Variants in RNF213 observed in about 807,000 individuals in gnomAD.
RNF213 encodes the protein ring finger protein 213.
A neutral mutation model predicts 514.4 loss-of-function variants in RNF213; 341 were observed. The ratio of observed to expected loss-of-function variants is 0.66; its 90% CI spans 0.61 to 0.73. The LOEUF (loss-of-function observed/expected upper bound fraction) is 0.73. Ranked by LOEUF, RNF213 falls within the 30% of genes least tolerant of loss-of-function variation. The pLI is 0.00. For missense variants in RNF213, 5,767 were observed against 6,615.6 expected (o/e 0.87, Z 4.45); for synonymous variants, 2,655 against 2,658.2 (o/e 1.00, Z 0.04).
At chr17:80,367,373 T>A (rs1434588928) in intron 42 of RNF213, among the ~76,000 whole-genome samples, 1 of 152,118 alleles carries the variant, frequency 6.6e-6, no homozygotes, top group Non-Finnish European at 1.5e-5. Flanking sequence ...TTTTAAAAAA[T>A]TTAAAAATTT....
At chr17:80,360,828 A>G (rs543722856) in intron 38 of RNF213, among the ~76,000 whole-genome samples, 2 of 152,198 alleles carry the variant, frequency 1.3e-5, no homozygotes, top group Non-Finnish European at 2.9e-5. Context: ...TTATCGTACC[A>G]TTTGGAAGAC....
Position 80,288,044 on chromosome 17 carries a change from C to T in RNF213, c.491C>T (p.Ser164Phe). ...ATTPLEGDGLSAPTEVGDSPL... is the reference protein window; with the variant it reads ...ATTPLEGDGLFAPTEVGDSPL... Reference sequence around the variant, plus strand: ...ACGCCACTGGAGGGTGACGGCCTCTCCGCGCCCACCGAGGTTGGCGACAGC... The same window carrying T: ...ACGCCACTGGAGGGTGACGGCCTCTTCGCGCCCACCGAGGTTGGCGACAGC... Residue 164 changes from serine (S) to phenylalanine (F), a missense_variant, in exon 4 of 68, where the codon TCC (serine) becomes TTC (phenylalanine). Coordinates refer to ENST00000582970, the MANE Select transcript of RNF213 (RefSeq NM_001256071.3). This position sits in a 1 kb window ranked among gnomAD's most constrained non-coding sequence, Gnocchi z 4.9. 1 of 1,603,230 alleles carries T rather than the reference C, an allele frequency of 6.2e-7. No individual in the cohort carries two copies. Among genetic ancestry groups the T allele is most frequent in the Non-Finnish European group, 8.5e-7 (1 of 1,175,004 alleles).
chr17:80,295,888 G>C, intron 10 of RNF213, 75 bp downstream of exon 10: 24 of 1,523,612 alleles, frequency 1.6e-5, no homozygotes, highest in Non-Finnish European at 2.2e-5. Context: ...ATAAGTGCTT[G>C]ACTAGAGTGA....
At chr17:80,333,645 G>C (rs951656278) in intron 21 of RNF213, among the ~76,000 whole-genome samples, 2 of 150,952 alleles carry the variant, frequency 1.3e-5, no homozygotes, top group African/African-American at 4.9e-5. Flanking sequence ...AGTGAACCGA[G>C]ATCGTGCCAC....
chr17:80,301,650 G>T (rs2045183113), intron 11 of RNF213, among the ~76,000 whole-genome samples: 1 of 152,202 alleles, frequency 6.6e-6, no homozygotes, highest in South Asian at 2.1e-4. Flanking sequence ...ATAAATGCCA[G>T]TGAGGATGTG....
At chr17:80,294,238 G>A (rs554566995) in intron 8 of RNF213, among the ~76,000 whole-genome samples, 94 of 152,312 alleles carry the variant, frequency 6.2e-4, no homozygotes, top group African/African-American at 2.2e-3. Context: ...AGGGCCATCT[G>A]TGCCAGCTGG....
At position 80,383,911 on chromosome 17, in the gene RNF213, T is replaced by G; in HGVS notation, c.14305T>G (p.Trp4769Gly). 6.2e-7 allele frequency: 1 copy of G among 1,614,174 alleles called. No individual in the cohort carries two copies. Among genetic ancestry groups the G allele is most frequent in the Non-Finnish European group, 8.5e-7 (1 of 1,180,034 alleles). The change falls in exon 59 of 68, where the codon TGG becomes GGG. Residue 4769 changes from tryptophan to glycine, a missense_variant. Coordinates refer to ENST00000582970, the MANE Select transcript of RNF213 (RefSeq NM_001256071.3). ...TGGCAAAGAAAGAGTGCCCATCCTC[T>G]GGCATTTCCTGCAGAAGGTATGTCT... ...KNGKERVPIL[W>G]HFLQKEAELR... is the part of the protein sequence containing the mutation.
chr17:80,389,553 A>G (rs557491823), intron 65 of RNF213, among the ~76,000 whole-genome samples, 186 bp downstream of exon 65: 25 of 152,320 alleles, frequency 1.6e-4, no homozygotes, highest in African/African-American at 6.0e-4. Context: ...AGAGACAGAC[A>G]CGCGCTAGAA....
rs747846518 is a variant in RNF213 at position 80,298,421 on chromosome 17, G to A, written c.2113G>A (p.Ala705Thr). 76 of 1,614,066 alleles carry A rather than the reference G, an allele frequency of 4.7e-5. No individual in the cohort carries two copies. Among genetic ancestry groups the A allele is most frequent in the Non-Finnish European group, 6.4e-5 (76 of 1,180,042 alleles). The change falls in exon 11 of 68, where the codon GCC (alanine) becomes ACC (threonine). Residue 705 changes from alanine to threonine, a missense_variant. Physicochemically the swap from Ala to Thr is moderately conservative, Grantham distance 58. Around this residue, in one of 13 missense-constraint regions of RNF213, gnomAD observed 592 missense variants for 673.9 expected, o/e 0.88. Coordinates refer to ENST00000582970, the MANE Select transcript of RNF213 (RefSeq NM_001256071.3). ...LPVLHCCMEL[A>T]PRHKDAWRQP... ...TGTCCTGCACTGCTGTATGGAGCTGGCCCCGCGGCACAAGGATGCCTGGAG... is the reference window on the plus strand; with the variant it reads ...TGTCCTGCACTGCTGTATGGAGCTGACCCCGCGGCACAAGGATGCCTGGAG...
intron 2 of RNF213, among the ~76,000 whole-genome samples, chr17:80,269,765 T>C (rs1322647369): frequency 3.4e-5 from 5 of 146,506 alleles, no homozygotes; most frequent in African/African-American, 9.9e-5. Context: ...TATCCATCCG[T>C]CCATCCATCC....
At chr17:80,344,591 A>G in intron 28 of RNF213, 87 bp from the exon 29 acceptor site, 2 of 1,431,820 alleles carry the variant, frequency 1.4e-6, no homozygotes, top group South Asian at 1.2e-5. Context: ...AGGTCCATCC[A>G]ATATAGATAA....
chr17:80,355,361 C>T lies in RNF213; in HGVS notation c.10862+785C>T, dbSNP rs866549810. 2.9e-3 allele frequency: 802 copies of T among 273,516 alleles called. 9 individuals are homozygous for T. Among genetic ancestry groups the T allele is most frequent in the African/African-American group, 0.022 (543 of 25,176 alleles). The allele number at this position is 273,516 out of a possible 1,614,324, so 16.9% of individuals were successfully genotyped here. On this transcript the variant is annotated intron_variant, in intron 36 of 67. Transcript: ENST00000582970. ...CTTACAGGGGAAGAAGCGGGGTGAA[C>T]GGGAATGGGAGCTTACAGGGGAAGA...
chr17:80,287,004 T>C (rs1319690928), intron 3 of RNF213, among the ~76,000 whole-genome samples: 1 of 152,176 alleles, frequency 6.6e-6, no homozygotes, highest in African/African-American at 2.4e-5. Context: ...CATTTCAAAT[T>C]TTATGTACGA....
In RNF213 at chr17:80,298,373, T is replaced by A; in HGVS notation, c.2065T>A (p.Tyr689Asn). ...CCAAAGATGCATGGACACAAGGACGTACACCTGGCTGGGCGCCCTGCCTGT... is the reference window on the plus strand; with the variant it reads ...CCAAAGATGCATGGACACAAGGACGAACACCTGGCTGGGCGCCCTGCCTGT... ...LCQRCMDTRT[Y>N]TWLGALPVLH... is the part of the protein sequence containing the mutation. The change falls in exon 11 of 68, where the codon TAC becomes AAC. Residue 689 changes from tyrosine (Y) to asparagine (N), a missense_variant. Coordinates refer to ENST00000582970, the MANE Select transcript of RNF213 (RefSeq NM_001256071.3). 6.2e-7 allele frequency: 1 copy of A among 1,614,176 alleles called. No individual in the cohort carries two copies.
At chr17:80,332,848 T>A (rs2046453596) in intron 21 of RNF213, among the ~76,000 whole-genome samples, 1 of 152,150 alleles carries the variant, frequency 6.6e-6, no homozygotes, top group Admixed American at 6.5e-5. Flanking sequence ...AGAGGGAGTT[T>A]CCTTGGGTCT....
At position 80,380,972 on chromosome 17, in the gene RNF213, G is replaced by C; in HGVS notation, c.13782G>C (p.Ala4594=). Reference sequence around the variant, plus strand: ...CTCACTTGGCTCTGCTTCTGGGAGCGTCCCAGAGTTCCCAGGTATAACCCA... The same window carrying C: ...CTCACTTGGCTCTGCTTCTGGGAGCCTCCCAGAGTTCCCAGGTATAACCCA... The part of the protein sequence containing the change: ...LLTHLALLLG[A]SQSSQALINI... The change falls in exon 56 of 68, where the codon GCG becomes GCC. Residue 4594 remains alanine, a synonymous_variant. Coordinates refer to ENST00000582970, the MANE Select transcript of RNF213 (RefSeq NM_001256071.3). 6.2e-7 allele frequency: 1 copy of C among 1,614,146 alleles called. No individual in the cohort carries two copies. Among genetic ancestry groups the C allele is most frequent in the Non-Finnish European group, 8.5e-7 (1 of 1,180,006 alleles).
Position 80,294,825 on chromosome 17 carries a change from A to G in RNF213, c.1577A>G (p.Lys526Arg). The G allele has an allele frequency of 6.2e-7, 1 of 1,614,206 alleles. No homozygotes were observed. Among genetic ancestry groups the G allele is most frequent in the Non-Finnish European group, 8.5e-7 (1 of 1,180,046 alleles). Residue 526 changes from lysine (K) to arginine (R), a missense_variant, in exon 9 of 68, where the codon AAG becomes AGG. Around this residue, in one of 13 missense-constraint regions of RNF213, gnomAD observed 592 missense variants for 673.9 expected, o/e 0.88. Coordinates refer to ENST00000582970, the MANE Select transcript of RNF213 (RefSeq NM_001256071.3). ...CCGAGGAAGGACCTGGTGAAGGGGA[A>G]GCAGATTGCCGCTGCGCTCATGCTG... ...DGPRKDLVKG[K>R]QIAAALMLDS...
chr17:80,368,433 G>GTTT lies in RNF213; in HGVS notation c.12155+305_12155+307dup, dbSNP rs5822349. Among the ~76,000 whole-genome samples the GTTT allele has an allele frequency of 2.4e-3, 330 of 137,048 alleles. 2 individuals carry two copies. The highest frequency in any genetic ancestry group is 7.7e-3 in the African/African-American group (283 of 36,652). 89.9% of individuals were successfully genotyped at this position (137,048 alleles called of 152,430 possible). On this transcript the variant is annotated intron_variant, in intron 44 of 67. Coordinates refer to ENST00000582970, the MANE Select transcript of RNF213 (RefSeq NM_001256071.3). ...AGGCCCAAGGAATGTAGACGCCAGT[G>GTTT]TTTTTTTTTTTTTTTTTGAGACAGT...
intron 11 of RNF213, among the ~76,000 whole-genome samples, chr17:80,303,559 TTTC>T (rs933841268): frequency 6.9e-6 from 1 of 144,782 alleles, no homozygotes; most frequent in African/African-American, 2.9e-5. Context: ...TCTTTTTTCT[TTTC>T]TTTTCTTTTT....
Sources: gnomAD v4.1 joint callset for allele counts (sites outside exome capture counted in the v4.1 genomes callset) on GRCh38, gnomAD v4.1.1 for gene constraint, gnomAD v4.1.1 regional missense constraint, Gnocchi (gnomAD v3.1) non-coding constraint, MANE v1.5 for transcripts, NCBI Gene and HGNC (gene_info 2026-07-23, HGNC 2026-07-21) for gene names.